Variants in CAST observed in about 807,000 individuals in gnomAD.
The protein encoded by CAST is MIR583 host.
A neutral mutation model predicts 119.6 loss-of-function variants in CAST; 76 were observed. The ratio of observed to expected loss-of-function variants is 0.64; its 90% CI spans 0.53 to 0.77. The LOEUF (loss-of-function observed/expected upper bound fraction) is 0.77. Ranked by LOEUF, CAST falls within the 30% of genes least tolerant of loss-of-function variation. The pLI is 0.00. For synonymous variants in CAST, 319 were observed against 331.6 expected (o/e 0.96, Z 0.41); for missense variants, 953 against 946.5 (o/e 1.01, Z -0.09).
chr5:96,051,641 G>A, the CAST span, among the ~76,000 whole-genome samples: 1 of 152,078 alleles, frequency 6.6e-6, no homozygotes, highest in East Asian at 1.9e-4. Context: ...AAGCCTTTTA[G>A]GGGAGACCGT....
chr5:96,393,464 C>T, the CAST span: 2 of 1,484,322 alleles, frequency 1.3e-6, no homozygotes, highest in Non-Finnish European at 1.9e-6. Flanking sequence ...CACAGGAACG[C>T]TGCCTGCCGC....
At chr5:96,348,300 A>G in the CAST span, among the ~76,000 whole-genome samples, 1 of 152,002 alleles carries the variant, frequency 6.6e-6, no homozygotes, top group Non-Finnish European at 1.5e-5. Flanking sequence ...TTAAGGGAAT[A>G]TTTTATTCTA....
chr5:96,290,219 T>C, the CAST span, among the ~76,000 whole-genome samples: 1 of 152,276 alleles, frequency 6.6e-6, no homozygotes, highest in Admixed American at 6.5e-5. Flanking sequence ...ATATAAAGGA[T>C]TTAGGGGCTT....
the CAST span, among the ~76,000 whole-genome samples, chr5:96,410,230 G>A: frequency 2.6e-5 from 4 of 152,110 alleles, no homozygotes; most frequent in Admixed American, 1.3e-4. Flanking sequence ...GGAGCTCTCT[G>A]AGCATACGAC....
chr5:96,001,043 A>T, the CAST span, among the ~76,000 whole-genome samples: 1 of 152,174 alleles, frequency 6.6e-6, no homozygotes, highest in African/African-American at 2.4e-5. Flanking sequence ...ACTACCACTA[A>T]TTAGCTTTGT....
At chr5:96,180,028 G>GA in the CAST span, among the ~76,000 whole-genome samples, 12 of 146,214 alleles carry the variant, frequency 8.2e-5, no homozygotes, top group South Asian at 2.2e-4. Context: ...ATCTCAAAAA[G>GA]AAAAAAAAAA....
At chr5:96,061,014 T>C in the CAST span, among the ~76,000 whole-genome samples, 1 of 152,056 alleles carries the variant, frequency 6.6e-6, no homozygotes, top group Non-Finnish European at 1.5e-5. Flanking sequence ...TCTGGTATCT[T>C]TTCTTATAAA....
chr5:96,163,928 A>T, the CAST span, among the ~76,000 whole-genome samples: 1 of 152,194 alleles, frequency 6.6e-6, no homozygotes, highest in Non-Finnish European at 1.5e-5. Context: ...AAGGTATTTA[A>T]CAATGGGCAC....
At chr5:96,439,003 C>T in the CAST span, among the ~76,000 whole-genome samples, 1 of 152,156 alleles carries the variant, frequency 6.6e-6, no homozygotes, top group African/African-American at 2.4e-5. Context: ...AGAGAAATCG[C>T]TTAGTTTGCT....
chr5:96,013,342 C>G, the CAST span, among the ~76,000 whole-genome samples: 4 of 151,384 alleles, frequency 2.6e-5, no homozygotes, highest in African/African-American at 9.7e-5. Context: ...CCCACTCCAC[C>G]CATTTATACT....
chr5:96,682,403 C>T (rs998378996), intron 2 of CAST, among the ~76,000 whole-genome samples: 2 of 152,130 alleles, frequency 1.3e-5, no homozygotes, highest in Admixed American at 1.3e-4. Flanking sequence ...CCTCTCTTAC[C>T]TCTTTGTCTC....
chr5:96,038,302 C>T, the CAST span, among the ~76,000 whole-genome samples: 1 of 151,946 alleles, frequency 6.6e-6, no homozygotes, highest in African/African-American at 2.4e-5. Flanking sequence ...ACAAACATCC[C>T]TTGAAGAATT....
the CAST span, among the ~76,000 whole-genome samples, chr5:96,394,195 C>T: frequency 6.6e-6 from 1 of 152,202 alleles, no homozygotes; most frequent in African/African-American, 2.4e-5. Context: ...CTACCTATTA[C>T]ACCTGAGGCA....
chr5:96,035,071 A>ATATATATATATATATATATATTTAAG, the CAST span, among the ~76,000 whole-genome samples: 19 of 16,526 alleles, frequency 1.1e-3, no homozygotes, highest in African/African-American at 3.1e-3. Context: ...ATATTTAAGT[A>ATATATATATATATATATATATTTAAG]TATATATATA....
the CAST span, among the ~76,000 whole-genome samples, chr5:96,011,714 C>T: frequency 6.6e-6 from 1 of 152,020 alleles, no homozygotes; most frequent in Non-Finnish European, 1.5e-5. Context: ...GTGAATTACC[C>T]CAAATTAAAA....
At chr5:96,472,211 A>T in the CAST span, among the ~76,000 whole-genome samples, 3 of 152,184 alleles carry the variant, frequency 2.0e-5, no homozygotes, top group South Asian at 6.2e-4. Context: ...ATGAGCTCCA[A>T]AGATAAGATA....
chr5:96,540,961 G>A (rs1745901521), intron 1 of CAST, among the ~76,000 whole-genome samples: 1 of 152,178 alleles, frequency 6.6e-6, no homozygotes, highest in Non-Finnish European at 1.5e-5. Context: ...CCTGGCTGAA[G>A]TAGTTTTTGT....
chr5:96,047,363 T>C, the CAST span, among the ~76,000 whole-genome samples: 1 of 152,232 alleles, frequency 6.6e-6, no homozygotes, highest in African/African-American at 2.4e-5. Context: ...CAAATTCTAC[T>C]GCCCTCTGTT....
chr5:96,018,383 G>C, the CAST span, among the ~76,000 whole-genome samples: 1 of 151,768 alleles, frequency 6.6e-6, no homozygotes, highest in African/African-American at 2.4e-5. Flanking sequence ...TTGTGGCAGG[G>C]ATGTCAGTGA....
Sources: gnomAD v4.1 joint callset for allele counts (sites outside exome capture counted in the v4.1 genomes callset) on GRCh38, gnomAD v4.1.1 for gene constraint, MANE v1.5 for transcripts, NCBI Gene and HGNC (gene_info 2026-07-23, HGNC 2026-07-21) for gene names.